GALNT13: variants seen among roughly 807,000 people sequenced by gnomAD.
The protein encoded by GALNT13 is polypeptide N-acetylgalactosaminyltransferase 13.
In GALNT13, 28 loss-of-function variants were observed where a neutral mutation model predicts 64.2. That is an observed-to-expected ratio of 0.44 (90% confidence interval 0.32 to 0.60). GALNT13 has a LOEUF of 0.60. Among genes scored for constraint, GALNT13 ranks in the 20% least tolerant of loss-of-function variants. The pLI is 0.05. For synonymous variants in GALNT13, 214 were observed against 224.6 expected, an observed-to-expected ratio of 0.95 and a Z score of 0.42; for missense variants, 577 against 669.8, an observed-to-expected ratio of 0.86 and a Z score of 1.53.
At chr2:153,260,916 A>G in the GALNT13 span, among the ~76,000 whole-genome samples, 1 of 150,706 alleles carries the variant, frequency 6.6e-6, no homozygotes, top group African/African-American at 2.5e-5. Flanking sequence ...TCCCCTAGCT[A>G]TGTATTTTCA....
At chr2:153,314,264 C>T in the GALNT13 span, among the ~76,000 whole-genome samples, 2 of 152,010 alleles carry the variant, frequency 1.3e-5, no homozygotes, top group East Asian at 3.9e-4. Context: ...AATGAAGAAA[C>T]ATGAACAGAG....
chr2:153,635,398 GTA>G, the GALNT13 span, among the ~76,000 whole-genome samples: 75,372 of 120,892 alleles, frequency 0.62, 23,860 homozygotes, highest in East Asian at 0.84. Flanking sequence ...CAGTAAATAT[GTA>G]TATATATATA....
the GALNT13 span, among the ~76,000 whole-genome samples, chr2:153,074,429 G>T: frequency 1.3e-5 from 2 of 152,128 alleles, no homozygotes; most frequent in African/African-American, 2.4e-5. Context: ...TAACAATGGG[G>T]ATATGTCCTG....
chr2:154,018,564 T>C (rs534505830), intron 3 of GALNT13, among the ~76,000 whole-genome samples: 9 of 150,128 alleles, frequency 6.0e-5, no homozygotes, highest in African/African-American at 2.0e-4. Context: ...GGATGGGGGA[T>C]AGGGAGAGGG....
chr2:153,132,871 C>T, the GALNT13 span, among the ~76,000 whole-genome samples: 4 of 151,958 alleles, frequency 2.6e-5, no homozygotes, highest in East Asian at 1.9e-4. Flanking sequence ...TAGGTACATA[C>T]CACCATACTC....
the GALNT13 span, among the ~76,000 whole-genome samples, chr2:153,573,462 T>G: frequency 3.3e-5 from 5 of 152,026 alleles, no homozygotes; most frequent in Non-Finnish European, 7.4e-5. Flanking sequence ...TATGAACAAG[T>G]AAGGACTTCT....
chr2:154,388,291 A>G (rs575559029), intron 9 of GALNT13, among the ~76,000 whole-genome samples: 28 of 152,090 alleles, frequency 1.8e-4, no homozygotes, highest in Non-Finnish European at 3.8e-4. Flanking sequence ...TGAGTTCCTC[A>G]TGTATTTCAG....
chr2:153,112,272 A>G, the GALNT13 span, among the ~76,000 whole-genome samples: 3 of 152,122 alleles, frequency 2.0e-5, no homozygotes, highest in Non-Finnish European at 4.4e-5. Context: ...TCAGCTGCCT[A>G]TAGGCAGTAA....
At chr2:154,448,414 A>G (rs1701704309) in intron 12 of GALNT13, among the ~76,000 whole-genome samples, 1 of 152,028 alleles carries the variant, frequency 6.6e-6, no homozygotes, top group Admixed American at 6.6e-5. Context: ...GTTTAAGTCT[A>G]AGTATTTTCT....
At chr2:153,562,060 CTGTGTGTGTGTGTGTGTGTGTG>C in the GALNT13 span, among the ~76,000 whole-genome samples, 25 of 118,904 alleles carry the variant, frequency 2.1e-4, no homozygotes, top group African/African-American at 8.8e-4. Flanking sequence ...CTCTCTCTCT[CTGTGTGTGTGTGTGTGTGTGTG>C]TGTGTGTGTG....
chr2:154,122,537 A>G (rs1173592470), intron 3 of GALNT13, among the ~76,000 whole-genome samples: 1 of 152,074 alleles, frequency 6.6e-6, no homozygotes, highest in Non-Finnish European at 1.5e-5. Flanking sequence ...GAATTCACCA[A>G]TGAAACTACT....
chr2:153,943,349 A>T (rs990161287), intron 2 of GALNT13, among the ~76,000 whole-genome samples: 1 of 152,120 alleles, frequency 6.6e-6, no homozygotes, highest in Admixed American at 6.6e-5. Context: ...CTAAACACAC[A>T]TTTATTGTAG....
chr2:153,297,921 T>A, the GALNT13 span, among the ~76,000 whole-genome samples: 2 of 152,082 alleles, frequency 1.3e-5, no homozygotes, highest in Non-Finnish European at 1.5e-5. Context: ...ACAAATCCAA[T>A]GGAGAGAGAA....
chr2:153,110,955 G>A, the GALNT13 span, among the ~76,000 whole-genome samples: 1 of 152,078 alleles, frequency 6.6e-6, no homozygotes, highest in Non-Finnish European at 1.5e-5. Context: ...TCACTTATGT[G>A]TGCAAATGAT....
the GALNT13 span, among the ~76,000 whole-genome samples, chr2:153,495,276 C>A: frequency 6.6e-6 from 1 of 151,978 alleles, no homozygotes; most frequent in Non-Finnish European, 1.5e-5. Context: ...TATAAGCACA[C>A]CCCAGCCTGG....
chr2:153,610,868 G>A, the GALNT13 span, among the ~76,000 whole-genome samples: 1 of 152,036 alleles, frequency 6.6e-6, no homozygotes, highest in Non-Finnish European at 1.5e-5. Flanking sequence ...AAGGCAAATT[G>A]TTTCAATGAA....
At chr2:153,251,914 A>G in the GALNT13 span, among the ~76,000 whole-genome samples, 1 of 151,858 alleles carries the variant, frequency 6.6e-6, no homozygotes. Context: ...TATTGTGAAT[A>G]ATGCCGCAAT....
the GALNT13 span, among the ~76,000 whole-genome samples, chr2:153,840,929 C>A: frequency 3.1e-3 from 465 of 152,032 alleles, 1 homozygote; most frequent in Non-Finnish European, 5.4e-3. Context: ...TCAGGTATTT[C>A]TCAGGCCTTT....
At chr2:153,768,783 G>A in the GALNT13 span, among the ~76,000 whole-genome samples, 1 of 152,118 alleles carries the variant, frequency 6.6e-6, no homozygotes, top group Non-Finnish European at 1.5e-5. Context: ...GGAAAATGGT[G>A]TGAACCCAGG....
Sources: allele counts gnomAD v4.1 joint callset (sites outside exome capture counted in the v4.1 genomes callset), GRCh38; gene constraint gnomAD v4.1.1; transcripts MANE v1.5; gene names NCBI Gene and HGNC (gene_info 2026-07-23, HGNC 2026-07-21).